TBC1D16: variants seen among roughly 807,000 people sequenced by gnomAD.
The protein encoded by TBC1D16 is TBC1 domain family member 16, also known as CTD-2529O21.1.
In TBC1D16, 58 loss-of-function variants were observed where a neutral mutation model predicts 74.7. That is an observed-to-expected ratio of 0.78 (90% confidence interval 0.63 to 0.97). TBC1D16 has a LOEUF of 0.97. Ranked by LOEUF, TBC1D16 falls within the 50% of genes least tolerant of loss-of-function variation. TBC1D16 has a pLI of 0.00. For missense variants in TBC1D16, 1,014 were observed against 1,079.5 expected (o/e 0.94, Z 0.85); for synonymous variants, 493 against 474.7 (o/e 1.04, Z -0.50).
Position 79,956,147 on chromosome 17 carries a change from C to T in TBC1D16, c.780-3329G>A, listed in dbSNP as rs926283326. ...TTCCAGACCCTCCGCCCACCCAAGC[C>T]TCCTGGTGGCTGCAGCGACCTGAGT... On this transcript the variant is annotated intron_variant, in intron 3 of 11. Transcript: ENST00000310924. The surrounding 1 kb of genome is among the most constrained non-coding windows in gnomAD (Gnocchi z 4.0). Among the ~76,000 whole-genome samples the T allele has an allele frequency of 1.3e-5, 2 of 152,246 alleles. No homozygotes were observed. The highest frequency in any genetic ancestry group is 2.9e-5 in the Non-Finnish European group (2 of 68,048).
At chr17:80,004,558 C>T (rs1458490517) in intron 3 of TBC1D16, among the ~76,000 whole-genome samples, 2 of 152,214 alleles carry the variant, frequency 1.3e-5, no homozygotes, top group African/African-American at 4.8e-5. Context: ...ACAGAGGGAC[C>T]TTAGAGGGAC....
chr17:80,010,695 C>T lies in TBC1D16; in HGVS notation c.244G>A (p.Val82Ile). 1 of 1,517,508 alleles carries T rather than the reference C, an allele frequency of 6.6e-7. No individual in the cohort carries two copies. Among genetic ancestry groups the T allele is most frequent in the African/African-American group, 1.4e-5 (1 of 71,830 alleles). The allele number at this position is 1,517,508 out of a possible 1,614,324, so 94.0% of individuals were successfully genotyped here. A position where few individuals can be genotyped will look rare whatever the true frequency, so the allele number is the denominator to read the frequency against. The stretch of plus-strand genomic sequence containing the variant: ...TGCCTCTGGATGCGAGAGTTGGGGA[C>T]CCATGCCAGGATGAGGGTGGCTCCC... ...MLGATLILAW[V>I]PNSRIQRQDE... Residue 82 changes from valine to isoleucine, a missense_variant, in exon 3 of 12, where the codon GTC becomes ATC. By Grantham distance (29) the Val-to-Ile change is conservative. Coordinates refer to ENST00000310924, the MANE Select transcript of TBC1D16 (RefSeq NM_019020.4). This position sits in a 1 kb window ranked among gnomAD's most constrained non-coding sequence, Gnocchi z 8.8.
At chr17:79,960,587 T>G (rs560971032) in intron 3 of TBC1D16, among the ~76,000 whole-genome samples, 1 of 151,214 alleles carries the variant, frequency 6.6e-6, no homozygotes, top group African/African-American at 2.4e-5. Flanking sequence ...GAAATCCCGT[T>G]TCTGCTAAAA....
At chr17:79,942,755 G>T (rs1329396643) in intron 10 of TBC1D16, among the ~76,000 whole-genome samples, 1 of 152,228 alleles carries the variant, frequency 6.6e-6, no homozygotes, top group Non-Finnish European at 1.5e-5. Flanking sequence ...AGGGTTTGTG[G>T]CTAGAAAAGT....
At chr17:79,976,792 C>G (rs1284142129) in intron 3 of TBC1D16, among the ~76,000 whole-genome samples, 1 of 152,066 alleles carries the variant, frequency 6.6e-6, no homozygotes, top group East Asian at 1.9e-4. Context: ...CTTCCGTTGA[C>G]AGTGCCTTTC....
At chr17:80,006,191 T>TCTCTCTCG (rs1231675171) in intron 3 of TBC1D16, among the ~76,000 whole-genome samples, 23 of 151,754 alleles carry the variant, frequency 1.5e-4, no homozygotes, top group African/African-American at 5.1e-4. Context: ...GCGCTCTCGC[T>TCTCTCTCG]CTCTCTCGCT....
rs2035723870 is a variant in TBC1D16, at chr17:80,007,558, C to G, written c.779+2602G>C. Among the ~76,000 whole-genome samples, 1 of 152,152 alleles carries G rather than the reference C, an allele frequency of 6.6e-6. No homozygotes were observed. The highest frequency in any genetic ancestry group is 1.5e-5 in the Non-Finnish European group (1 of 68,028). Reference sequence around the variant, plus strand: ...GGTGTCTCAGTGGGGACTCGAGTGTCAGAGCAGAGAAGGGGGCCATGGGGA... The same window carrying G: ...GGTGTCTCAGTGGGGACTCGAGTGTGAGAGCAGAGAAGGGGGCCATGGGGA... On this transcript the variant is annotated intron_variant, in intron 3 of 11. Coordinates refer to ENST00000310924, the MANE Select transcript of TBC1D16 (RefSeq NM_019020.4). The surrounding 1 kb of genome is among the most constrained non-coding windows in gnomAD (Gnocchi z 4.5).
intron 3 of TBC1D16, among the ~76,000 whole-genome samples, chr17:79,995,882 A>T (rs140728686): frequency 1.3e-5 from 2 of 152,236 alleles, no homozygotes; most frequent in Non-Finnish European, 2.9e-5. Context: ...GGCACAACTC[A>T]TAACCTGGAC....
rs999054822 is a variant in TBC1D16, at chr17:80,000,349, G to A, written c.779+9811C>T. On this transcript the variant is annotated intron_variant, in intron 3 of 11. Transcript: ENST00000310924. This position sits in a 1 kb window ranked among gnomAD's most constrained non-coding sequence, Gnocchi z 4.1. Reference sequence around the variant, plus strand: ...AGGCCCTATCTAATGACTGGCATCCGTATGAGAAGAAGAGAGGGCACACAA... The same window carrying A: ...AGGCCCTATCTAATGACTGGCATCCATATGAGAAGAAGAGAGGGCACACAA... 5.9e-5 allele frequency among the ~76,000 whole-genome samples: 9 copies of A among 152,150 alleles called. No homozygotes were observed. Among genetic ancestry groups the A allele is most frequent in the African/African-American group, 1.2e-4 (5 of 41,432 alleles).
intron 3 of TBC1D16, among the ~76,000 whole-genome samples, chr17:79,998,983 C>T (rs1004159551): frequency 1.3e-5 from 2 of 152,066 alleles, no homozygotes; most frequent in African/African-American, 4.8e-5. Flanking sequence ...GGGCTGGGCG[C>T]GGTGGCTCAC....
At chr17:79,998,733 A>G (rs1300990670) in intron 3 of TBC1D16, among the ~76,000 whole-genome samples, 1 of 152,042 alleles carries the variant, frequency 6.6e-6, no homozygotes, top group Non-Finnish European at 1.5e-5. Context: ...TTATCCATAA[A>G]CAATATTCCC....
rs12939677 is a variant in TBC1D16, at chr17:79,934,446, C to T, written c.*6413G>A. ...TCAGGGGCCCCTGAGCCACCAGGTTCCTCCATCTTCATGTGGCCACCACGG... is the reference window on the plus strand; with the variant it reads ...TCAGGGGCCCCTGAGCCACCAGGTTTCTCCATCTTCATGTGGCCACCACGG... On this transcript the variant is annotated 3_prime_UTR_variant, in exon 12 of 12. Coordinates refer to ENST00000310924, the MANE Select transcript of TBC1D16 (RefSeq NM_019020.4). The T allele has an allele frequency of 0.16, 24,809 of 152,346 alleles. 2,199 individuals are homozygous for T. The highest frequency in any genetic ancestry group is 0.24 in the African/African-American group (9,864 of 41,510). The allele number at this position is 152,346 out of a possible 1,614,324, so 9.4% of individuals were successfully genotyped here.
intron 3 of TBC1D16, among the ~76,000 whole-genome samples, chr17:79,958,344 C>T (rs1375413350): frequency 2.6e-5 from 4 of 151,828 alleles, no homozygotes; most frequent in Non-Finnish European, 4.4e-5. Context: ...CTCAGCCTCC[C>T]GAGTAGCTGG....
rs898951837 is a variant in TBC1D16, at chr17:79,971,855, C to T, written c.780-19037G>A. 1.3e-5 allele frequency among the ~76,000 whole-genome samples: 2 copies of T among 151,784 alleles called. No homozygotes were observed. Among genetic ancestry groups the T allele is most frequent in the African/African-American group, 4.8e-5 (2 of 41,290 alleles). On this transcript the variant is annotated intron_variant, in intron 3 of 11. Coordinates refer to ENST00000310924, the MANE Select transcript of TBC1D16 (RefSeq NM_019020.4). This position sits in a 1 kb window ranked among gnomAD's most constrained non-coding sequence, Gnocchi z 4.6. ...ATGGGGGCTCTGGAAGGCTTCCTCT[C>T]GGAGCAGGTGGCATGGGGGCTGGCT...
intron 8 of TBC1D16, among the ~76,000 whole-genome samples, chr17:79,948,593 A>G (rs59182344): frequency 1.3e-5 from 2 of 152,074 alleles, no homozygotes; most frequent in Non-Finnish European, 2.9e-5. Flanking sequence ...AAGCTGGTCC[A>G]TGGTTAGTGT....
chr17:79,996,658 A>T (rs1214591403), intron 3 of TBC1D16, among the ~76,000 whole-genome samples: 2 of 152,186 alleles, frequency 1.3e-5, no homozygotes, highest in Admixed American at 1.3e-4. Flanking sequence ...AGGCGGGAGG[A>T]TTGCTTGAGC....
chr17:79,957,688 CTA>C (rs1214493099), intron 3 of TBC1D16, among the ~76,000 whole-genome samples: 4 of 151,722 alleles, frequency 2.6e-5, no homozygotes, highest in East Asian at 1.9e-4. Flanking sequence ...TGCCGACAAA[CTA>C]TAGACTCTGG....
Position 79,980,774 on chromosome 17 carries a change from G to A in TBC1D16, c.780-27956C>T, listed in dbSNP as rs147446109. Among the ~76,000 whole-genome samples, 5 of 152,342 alleles carry A rather than the reference G, an allele frequency of 3.3e-5. No individual in the cohort carries two copies. Among genetic ancestry groups the A allele is most frequent in the Admixed American group, 1.3e-4 (2 of 15,296 alleles). Reference sequence around the variant, plus strand: ...GACGTAACGTGCAGGACTGACTGGTGCTTCCCAAAAATCTTCTCGGACTCA... The same window carrying A: ...GACGTAACGTGCAGGACTGACTGGTACTTCCCAAAAATCTTCTCGGACTCA... On this transcript the variant is annotated intron_variant, in intron 3 of 11. Coordinates refer to ENST00000310924, the MANE Select transcript of TBC1D16 (RefSeq NM_019020.4). This position sits in a 1 kb window ranked among gnomAD's most constrained non-coding sequence, Gnocchi z 7.0.
chr17:80,032,147 G>C (rs1011171757), intron 1 of TBC1D16, among the ~76,000 whole-genome samples: 1 of 152,236 alleles, frequency 6.6e-6, no homozygotes, highest in African/African-American at 2.4e-5. Flanking sequence ...ACTGAAGTGT[G>C]CAAGCCAGCA....
Sources: gnomAD v4.1 joint callset for allele counts (sites outside exome capture counted in the v4.1 genomes callset) on GRCh38, gnomAD v4.1.1 for gene constraint, Gnocchi (gnomAD v3.1) non-coding constraint, MANE v1.5 for transcripts, NCBI Gene and HGNC (gene_info 2026-07-23, HGNC 2026-07-21) for gene names.